BRMS1L: variants seen among roughly 807,000 people sequenced by gnomAD.
BRMS1L encodes the protein BRMS1 like transcriptional repressor.
BRMS1L carries 23 observed loss-of-function variants against 50.3 expected under a neutral mutation model. The observed-to-expected ratio is 0.46, with a 90% CI of 0.33 to 0.65. The LOEUF (loss-of-function observed/expected upper bound fraction) is 0.65. BRMS1L is among the 30% of genes least tolerant of loss of function. The pLI, the probability that BRMS1L is intolerant of heterozygous loss-of-function variation, is 0.02. For missense variants in BRMS1L, 286 were observed against 386.1 expected (o/e 0.74, Z 2.17); for synonymous variants, 114 against 126.9 (o/e 0.90, Z 0.69).
At chr14:35,869,283 G>C (rs2078458775) in intron 9 of BRMS1L, among the ~76,000 whole-genome samples, 1 of 152,120 alleles carries the variant, frequency 6.6e-6, no homozygotes. Context: ...AGGTACAATA[G>C]ATCTTTCCTG....
At chr14:35,860,950 A>G (rs143983720) in intron 4 of BRMS1L, among the ~76,000 whole-genome samples, 687 of 152,294 alleles carry the variant, frequency 4.5e-3, no homozygotes, top group African/African-American at 0.015. Context: ...CAAAGTAACT[A>G]TTGAACATAG....
chr14:35,865,078 A>G, intron 7 of BRMS1L, 79 bp downstream of exon 7: 1 of 1,051,784 alleles, frequency 9.5e-7, no homozygotes, highest in African/African-American at 1.7e-5. Context: ...TTGTTAGTAC[A>G]TCAAAATATT....
At chr14:35,840,637 A>G (rs2078051397) in intron 4 of BRMS1L, among the ~76,000 whole-genome samples, 1 of 151,936 alleles carries the variant, frequency 6.6e-6, no homozygotes, top group African/African-American at 2.4e-5. Flanking sequence ...TTTCTTCTAG[A>G]TTTTCTAGTT....
intron 3 of BRMS1L, 25 bp downstream of exon 3, chr14:35,833,130 A>G (rs1415175996): frequency 4.4e-6 from 7 of 1,596,082 alleles, no homozygotes; most frequent in Non-Finnish European, 6.0e-6. Flanking sequence ...AATCTTTTCC[A>G]TATATAGAAT....
At chr14:35,855,384 T>C (rs935713551) in intron 4 of BRMS1L, among the ~76,000 whole-genome samples, 1 of 152,186 alleles carries the variant, frequency 6.6e-6, no homozygotes, top group African/African-American at 2.4e-5. Context: ...GAGCCATGTG[T>C]CAAGCCACAA....
At chr14:35,832,159 A>C (rs2077927544) in intron 2 of BRMS1L, among the ~76,000 whole-genome samples, 1 of 152,080 alleles carries the variant, frequency 6.6e-6, no homozygotes, top group Admixed American at 6.6e-5. Flanking sequence ...CAGGTCATAA[A>C]AACATTGGTT....
intron 5 of BRMS1L, 39 bp downstream of exon 5, chr14:35,862,725 C>A: frequency 6.8e-7 from 1 of 1,466,252 alleles, no homozygotes; most frequent in South Asian, 1.2e-5. Flanking sequence ...TGAGTGGCAC[C>A]AGACCTTTGG....
chr14:35,826,376 G>T lies in BRMS1L; in HGVS notation c.-141G>T. The T allele has an allele frequency of 7.7e-7, 1 of 1,294,640 alleles. No homozygotes were observed. The allele number at this position is 1,294,640 out of a possible 1,614,324, so 80.2% of individuals were successfully genotyped here. A position where few individuals can be genotyped will look rare whatever the true frequency, so the allele number is the denominator to read the frequency against. On this transcript the variant is annotated 5_prime_UTR_variant, in exon 1 of 10. Transcript: ENST00000216807. Reference sequence around the variant, plus strand: ...CAGAGCCTGCGGGTTAGGTTGTGAGGCCCGGGCCGGGGGCGGGGAGGAGCC... The same window carrying T: ...CAGAGCCTGCGGGTTAGGTTGTGAGTCCCGGGCCGGGGGCGGGGAGGAGCC...
In BRMS1L at chr14:35,826,670, A is replaced by C. The variant is rs112776558; in HGVS notation, c.142+12A>C. 1.2e-6 allele frequency: 2 copies of C among 1,609,924 alleles called. No individual in the cohort carries two copies. The highest frequency in any genetic ancestry group is 1.7e-6 in the Non-Finnish European group (2 of 1,178,864). On this transcript the variant is annotated intron_variant, in intron 1 of 9. Transcript: ENST00000216807. Reference sequence around the variant, plus strand: ...TGGAGATAGCTCAGGTGCGCGACCCACTGCTGGGACCCTGAGTCCCCGCGC... The same window carrying C: ...TGGAGATAGCTCAGGTGCGCGACCCCCTGCTGGGACCCTGAGTCCCCGCGC...
At chr14:35,843,448 A>G (rs1166963752) in intron 4 of BRMS1L, among the ~76,000 whole-genome samples, 2 of 152,106 alleles carry the variant, frequency 1.3e-5, no homozygotes, top group South Asian at 2.1e-4. Flanking sequence ...CCTCTGCTGC[A>G]GGTCTGCTGG....
chr14:35,831,580 C>G (rs946906059), intron 2 of BRMS1L, 80 bp downstream of exon 2: 1 of 1,020,274 alleles, frequency 9.8e-7, no homozygotes, highest in African/African-American at 1.6e-5. Context: ...CAACTAGATT[C>G]AGTCTCAGCT....
chr14:35,870,334 AT>A, intron 9 of BRMS1L, 25 bp from the exon 10 acceptor site: 1 of 1,357,610 alleles, frequency 7.4e-7, no homozygotes, highest in Non-Finnish European at 1.0e-6. Flanking sequence ...TAATTCATTC[AT>A]TCATTCTTTT....
At chr14:35,861,754 C>A (rs1044179375) in intron 4 of BRMS1L, among the ~76,000 whole-genome samples, 5 of 152,278 alleles carry the variant, frequency 3.3e-5, no homozygotes, top group Non-Finnish European at 7.4e-5. Context: ...ATGGGTGTGG[C>A]CTGTGTTTTC....
At chr14:35,853,554 C>T (rs2078241653) in intron 4 of BRMS1L, among the ~76,000 whole-genome samples, 1 of 151,096 alleles carries the variant, frequency 6.6e-6, no homozygotes, top group Non-Finnish European at 1.5e-5. Context: ...GCTGTGACTA[C>T]AGGTGCAAAC....
chr14:35,869,801 G>C (rs2078465574), intron 9 of BRMS1L, among the ~76,000 whole-genome samples: 1 of 151,910 alleles, frequency 6.6e-6, no homozygotes, highest in Non-Finnish European at 1.5e-5. Flanking sequence ...AACTGAGATT[G>C]CGCCACTGCA....
In BRMS1L at chr14:35,831,289, A is replaced by G. The variant is rs1291862404; in HGVS notation, c.143-121A>G. On this transcript the variant is annotated intron_variant, in intron 1 of 9. Coordinates refer to ENST00000216807, the MANE Select transcript of BRMS1L (RefSeq NM_032352.4). ...TGTTTATTTTCTTTTAAGGCTTAAT[A>G]TAGGTCTTCTCTTCATATTACAGTT... 6.0e-6 allele frequency: 4 copies of G among 666,318 alleles called. No homozygotes were observed. In the East Asian group the frequency reaches 8.2e-5, roughly 14 times the overall value. 41.3% of individuals were successfully genotyped at this position (666,318 alleles called of 1,614,324 possible).
intron 4 of BRMS1L, among the ~76,000 whole-genome samples, chr14:35,857,484 T>C (rs1362624584): frequency 6.6e-6 from 1 of 151,894 alleles, no homozygotes; most frequent in Non-Finnish European, 1.5e-5. Context: ...TATTCCTTTC[T>C]TAAAAAAAAA....
At chr14:35,856,072 A>C (rs184888204) in intron 4 of BRMS1L, among the ~76,000 whole-genome samples, 1 of 152,314 alleles carries the variant, frequency 6.6e-6, no homozygotes, top group Admixed American at 6.5e-5. Context: ...ATAATTCTGC[A>C]AGGCAAGGGA....
At chr14:35,864,670 C>T (rs1463733079) in intron 6 of BRMS1L, among the ~76,000 whole-genome samples, 1 of 152,168 alleles carries the variant, frequency 6.6e-6, no homozygotes, top group Non-Finnish European at 1.5e-5. Context: ...CTTTTCCCCT[C>T]CACCTTAAAA....
Sources: allele counts gnomAD v4.1 joint callset (sites outside exome capture counted in the v4.1 genomes callset), GRCh38; gene constraint gnomAD v4.1.1; transcripts MANE v1.5; gene names NCBI Gene and HGNC (gene_info 2026-07-23, HGNC 2026-07-21).